Variants in MAP3K14 observed in about 807,000 individuals in gnomAD.
MAP3K14 encodes NF-kappa-beta-inducing kinase.
In MAP3K14, 16 loss-of-function variants were observed where a neutral mutation model predicts 99.2. The observed-to-expected ratio is 0.16, with a 90% CI of 0.11 to 0.24. The LOEUF is 0.24. MAP3K14 is among the 10% of genes least tolerant of loss of function. The pLI is 1.00. For synonymous variants in MAP3K14, 462 were observed against 492.4 expected (o/e 0.94, Z 0.82); for missense variants, 784 against 1,208.7 (o/e 0.65, Z 5.21).
At chr17:45,283,910 C>G (rs1270922661) in intron 6 of MAP3K14, among the ~76,000 whole-genome samples, 2 of 152,104 alleles carry the variant, frequency 1.3e-5, no homozygotes, top group Middle Eastern at 3.4e-3. Context: ...GGCTTCCAAT[C>G]AAGATGATCT....
intron 8 of MAP3K14, 68 bp downstream of exon 8, chr17:45,274,055 G>A: frequency 1.3e-6 from 2 of 1,566,442 alleles, no homozygotes; most frequent in Non-Finnish European, 8.7e-7. Context: ...AGAACTGAGA[G>A]GAGATCAGAC....
At position 45,272,752 on chromosome 17, in the gene MAP3K14, C is replaced by A. The variant is rs151226297; in HGVS notation, c.1657+751G>T. On this transcript the variant is annotated intron_variant, in intron 9 of 15. Transcript: ENST00000344686. This position sits in a 1 kb window ranked among gnomAD's most constrained non-coding sequence, Gnocchi z 4.1. ...GTCTGGAGTTTGAGACTGGCCTGGCCAATATGGCAAAACCCCGTCCCTACT... is the reference window on the plus strand; with the variant it reads ...GTCTGGAGTTTGAGACTGGCCTGGCAAATATGGCAAAACCCCGTCCCTACT... 1.3e-4 allele frequency among the ~76,000 whole-genome samples: 20 copies of A among 152,208 alleles called. No individual in the cohort carries two copies. The South Asian group carries it at 2.3e-3, about 17-fold the overall frequency.
At chr17:45,275,994 C>T (rs552277097) in intron 6 of MAP3K14, among the ~76,000 whole-genome samples, 1 of 152,216 alleles carries the variant, frequency 6.6e-6, no homozygotes, top group African/African-American at 2.4e-5. Flanking sequence ...AACTCCTAAC[C>T]TTGTGATTTG....
In MAP3K14 at chr17:45,287,342, T is replaced by C. The variant is rs1319285977; in HGVS notation, c.349A>G (p.Ile117Val). 9.3e-6 allele frequency: 15 copies of C among 1,613,866 alleles called. No homozygotes were observed. The Middle Eastern group carries it at 6.6e-4, about 71-fold the overall frequency. The stretch of plus-strand genomic sequence containing the variant: ...GTAGCATGGGCCACATTGTTGGGGA[T>C]CTGATCAAGACTCTCGGACTGGCTG... ...QYSQSESLDQ[I>V]PNNVAHATEG... Residue 117 changes from isoleucine (I) to valine (V), a missense_variant, in exon 4 of 16, where the codon ATC becomes GTC. Ile to Val is a conservative substitution (Grantham distance 29, BLOSUM62 3). Around this residue, in one of 5 missense-constraint regions of MAP3K14, gnomAD observed 188 missense variants for 313.0 expected, o/e 0.60. Coordinates refer to ENST00000344686, the MANE Select transcript of MAP3K14 (RefSeq NM_003954.5).
chr17:45,274,086 C>T (rs1361277479), intron 8 of MAP3K14, 37 bp downstream of exon 8: 2 of 1,598,756 alleles, frequency 1.3e-6, no homozygotes, highest in Non-Finnish European at 8.5e-7. Flanking sequence ...GAGAGAAGAG[C>T]CTGCTGGGGA....
chr17:45,264,986 C>T (rs1436618990), intron 15 of MAP3K14, among the ~76,000 whole-genome samples, 177 bp downstream of exon 15: 1 of 151,828 alleles, frequency 6.6e-6, no homozygotes, highest in African/African-American at 2.4e-5. Context: ...GTCACCACTG[C>T]CAGCCTTGCT....
At chr17:45,271,386 C>G (rs575728502) in intron 9 of MAP3K14, among the ~76,000 whole-genome samples, 165 bp from the exon 10 acceptor site, 9 of 152,308 alleles carry the variant, frequency 5.9e-5, no homozygotes, top group African/African-American at 2.2e-4. Flanking sequence ...TGCTCTGTCA[C>G]CCAGGCTGGA....
intron 1 of MAP3K14, among the ~76,000 whole-genome samples, chr17:45,303,713 T>C (rs1323805948): frequency 2.0e-5 from 3 of 152,020 alleles, no homozygotes; most frequent in Non-Finnish European, 2.9e-5. Flanking sequence ...TTCCAATTAC[T>C]ATACATATAT....
chr17:45,265,152 GC>G lies in MAP3K14; in HGVS notation c.2679+10del, dbSNP rs759259690. ...GGACTCTGCCCGTCAGAGTGTACCTGCCCCCCTTACCTGGCTGCTGATGCCA... is the reference window on the plus strand; with the variant it reads ...GGACTCTGCCCGTCAGAGTGTACCTGCCCCCTTACCTGGCTGCTGATGCCA... On this transcript the variant is annotated intron_variant, in intron 15 of 15. Transcript: ENST00000344686. The G allele has an allele frequency of 7.5e-6, 12 of 1,607,204 alleles. No homozygotes were observed. Among genetic ancestry groups the G allele is most frequent in the Non-Finnish European group, 9.4e-6 (11 of 1,173,784 alleles).
chr17:45,297,819 A>C (rs2143845458), intron 1 of MAP3K14, among the ~76,000 whole-genome samples: 1 of 151,250 alleles, frequency 6.6e-6, no homozygotes, highest in Middle Eastern at 3.4e-3. Context: ...TTCTGGTTCA[A>C]GTGATTCTCC....
Position 45,267,963 on chromosome 17 carries a change from C to T in MAP3K14, c.1973-204G>A, listed in dbSNP as rs1054428370. Reference sequence around the variant, plus strand: ...CCTCAATAAAATGGTCCCAATATGACAGGGATAGGACTGGATTTCTGTCTT... The same window carrying T: ...CCTCAATAAAATGGTCCCAATATGATAGGGATAGGACTGGATTTCTGTCTT... On this transcript the variant is annotated intron_variant, in intron 11 of 15. Coordinates refer to ENST00000344686, the MANE Select transcript of MAP3K14 (RefSeq NM_003954.5). The surrounding 1 kb of genome is among the most constrained non-coding windows in gnomAD (Gnocchi z 5.1). 1 of 538,672 alleles carries T rather than the reference C, an allele frequency of 1.9e-6. No homozygotes were observed. The highest frequency in any genetic ancestry group is 3.9e-5 in the Admixed American group (1 of 25,974). 33.4% of individuals were successfully genotyped at this position (538,672 alleles called of 1,614,324 possible).
chr17:45,281,876 C>A (rs2044226576), intron 6 of MAP3K14: 1 of 151,760 alleles, frequency 6.6e-6, no homozygotes, highest in Non-Finnish European at 1.5e-5. Context: ...GAACTCCTAA[C>A]CTTGTGATCC....
chr17:45,290,565 C>T lies in MAP3K14; in HGVS notation c.181G>A (p.Val61Met), dbSNP rs758410539. Residue 61 changes from valine to methionine, a missense_variant, in exon 2 of 16, where the codon GTG becomes ATG. Physicochemically the swap from Val to Met is conservative, Grantham distance 21. Transcript: ENST00000344686. ...TCCTTGGCTGTGCCCTTGGTAATCA[C>T]GTCATTCAGGATCTCCCACTTTCCG... The part of the protein sequence containing the change: ...FCGKWEILND[V>M]ITKGTAKEGS... 6.2e-7 allele frequency: 1 copy of T among 1,613,786 alleles called. No homozygotes were observed. Among genetic ancestry groups the T allele is most frequent in the Non-Finnish European group, 8.5e-7 (1 of 1,179,894 alleles).
intron 5 of MAP3K14, 81 bp from the exon 6 acceptor site, chr17:45,285,030 C>T: frequency 6.9e-7 from 1 of 1,456,124 alleles, no homozygotes; most frequent in Non-Finnish European, 9.3e-7. Context: ...GAAGACTCTC[C>T]AGCTGGTGAC....
intron 1 of MAP3K14, among the ~76,000 whole-genome samples, chr17:45,312,669 G>A (rs2044491168): frequency 6.6e-6 from 1 of 152,130 alleles, no homozygotes; most frequent in Non-Finnish European, 1.5e-5. Flanking sequence ...AGCCTCTCAA[G>A]TAGCTGGGAC....
At chr17:45,277,642 C>G (rs892254375) in intron 6 of MAP3K14, among the ~76,000 whole-genome samples, 1 of 152,142 alleles carries the variant, frequency 6.6e-6, no homozygotes, top group African/African-American at 2.4e-5. Context: ...CCTAACCACC[C>G]CCAAACTGAG....
chr17:45,281,335 T>C (rs1479896911), intron 6 of MAP3K14, among the ~76,000 whole-genome samples: 9 of 150,044 alleles, frequency 6.0e-5, no homozygotes, highest in Non-Finnish European at 8.9e-5. Flanking sequence ...CCGCACCGCC[T>C]GATCTTTCTT....
intron 6 of MAP3K14, among the ~76,000 whole-genome samples, chr17:45,276,820 CTTCT>C (rs1199171177): frequency 1.4e-4 from 15 of 109,540 alleles, no homozygotes; most frequent in South Asian, 9.0e-4. Flanking sequence ...GCCTCTTAGA[CTTCT>C]TTTTTTTTTT....
chr17:45,284,783 C>A, intron 6 of MAP3K14, 29 bp downstream of exon 6: 1 of 1,571,250 alleles, frequency 6.4e-7, no homozygotes, highest in Non-Finnish European at 8.6e-7. Flanking sequence ...TGGCTTCCCT[C>A]TTCACTCAGC....
Sources: allele counts gnomAD v4.1 joint callset (sites outside exome capture counted in the v4.1 genomes callset), GRCh38; gene constraint gnomAD v4.1.1; regional missense constraint gnomAD v4.1.1; non-coding constraint Gnocchi (gnomAD v3.1); transcripts MANE v1.5; gene names NCBI Gene and HGNC (gene_info 2026-07-23, HGNC 2026-07-21).